The following FMN2 variants were observed in gnomAD, a reference collection of about 807,000 sequenced individuals.
FMN2 encodes formin 2, also known as formin-2.
Under a neutral mutation model 142.3 loss-of-function variants are expected in FMN2, and 51 were observed. The observed-to-expected ratio is 0.36, with a 90% CI of 0.29 to 0.45. The LOEUF (loss-of-function observed/expected upper bound fraction) is 0.45. FMN2 is among the 20% of genes least tolerant of loss of function. The pLI is 1.00. For synonymous variants in FMN2, 882 were observed against 869.8 expected (o/e 1.01, Z -0.25); for missense variants, 1,936 against 2,122.8 (o/e 0.91, Z 1.73).
At chr1:240,442,354 G>T (rs1421686355) in intron 16 of FMN2, among the ~76,000 whole-genome samples, 1 of 152,194 alleles carries the variant, frequency 6.6e-6, no homozygotes, top group Non-Finnish European at 1.5e-5. Context: ...ATCAGCCCTG[G>T]TGGTACCGTG....
intron 6 of FMN2, among the ~76,000 whole-genome samples, chr1:240,243,327 T>A (rs1259613215): frequency 1.3e-5 from 2 of 152,178 alleles, no homozygotes; most frequent in Admixed American, 6.5e-5. Context: ...TGAATTTATC[T>A]TTCCAAAGTA....
At chr1:240,303,696 ACAT>A (rs756100396) in intron 8 of FMN2, among the ~76,000 whole-genome samples, 1 of 152,130 alleles carries the variant, frequency 6.6e-6, no homozygotes, top group African/African-American at 2.4e-5. Flanking sequence ...GTTTATGTTC[ACAT>A]CTTTCATCAA....
chr1:240,245,638 G>C, intron 6 of FMN2: 1 of 470,212 alleles, frequency 2.1e-6, no homozygotes, highest in Admixed American at 2.4e-5. Context: ...ATGTGTAGTA[G>C]GGGTATTAGT....
At chr1:240,109,536 A>G (rs1260949517) in intron 1 of FMN2, among the ~76,000 whole-genome samples, 1 of 152,112 alleles carries the variant, frequency 6.6e-6, no homozygotes, top group Non-Finnish European at 1.5e-5. Flanking sequence ...CACTGAACCT[A>G]TGTACACCCT....
At chr1:240,293,143 C>G (rs1002943495) in intron 7 of FMN2, among the ~76,000 whole-genome samples, 1 of 151,942 alleles carries the variant, frequency 6.6e-6, no homozygotes, top group Admixed American at 6.6e-5. Context: ...AGATGAGAAA[C>G]CTCAGGATAT....
intron 8 of FMN2, among the ~76,000 whole-genome samples, chr1:240,328,731 A>G (rs529986254): frequency 6.6e-6 from 1 of 152,206 alleles, no homozygotes; most frequent in African/African-American, 2.4e-5. Context: ...CTGGGATTAC[A>G]GGCACCTGCC....
intron 7 of FMN2, among the ~76,000 whole-genome samples, chr1:240,269,012 C>T (rs1339173993): frequency 6.6e-6 from 1 of 151,924 alleles, no homozygotes; most frequent in Non-Finnish European, 1.5e-5. Context: ...GTTGTCTCTG[C>T]ACTCTATTGT....
chr1:240,139,409 C>A (rs1663083396), intron 2 of FMN2, among the ~76,000 whole-genome samples: 2 of 151,966 alleles, frequency 1.3e-5, no homozygotes, highest in Non-Finnish European at 2.9e-5. Flanking sequence ...GGAGAGAGAG[C>A]CTAGGAGAAG....
At chr1:240,421,356 A>G (rs1452900954) in intron 15 of FMN2, among the ~76,000 whole-genome samples, 3 of 152,180 alleles carry the variant, frequency 2.0e-5, no homozygotes, top group South Asian at 4.1e-4. Context: ...TTTATTTAAC[A>G]TCTTTGTCCC....
At chr1:240,356,058 T>G (rs1293341598) in intron 14 of FMN2, 150 bp downstream of exon 14, 1 of 593,668 alleles carries the variant, frequency 1.7e-6, no homozygotes, top group African/African-American at 1.9e-5. Flanking sequence ...AAAAACAGAT[T>G]AAGTTGAATT....
At chr1:240,136,684 C>T (rs1222072141) in intron 2 of FMN2, among the ~76,000 whole-genome samples, 2 of 152,106 alleles carry the variant, frequency 1.3e-5, no homozygotes, top group South Asian at 2.1e-4. Flanking sequence ...TTGTCTTTCT[C>T]CTGTAGATGC....
At chr1:240,165,928 C>T (rs1299291942) in intron 2 of FMN2, among the ~76,000 whole-genome samples, 6 of 151,934 alleles carry the variant, frequency 3.9e-5, no homozygotes, top group South Asian at 2.1e-4. Flanking sequence ...TCCCTTTCCC[C>T]GGATAATGTG....
chr1:240,233,396 A>G (rs1351888590), intron 6 of FMN2, among the ~76,000 whole-genome samples: 2 of 152,064 alleles, frequency 1.3e-5, no homozygotes, highest in African/African-American at 2.4e-5. Flanking sequence ...AAAAAGAAAA[A>G]AAAAAAAAAA....
At chr1:240,146,862 CAG>C (rs1663505198) in intron 2 of FMN2, among the ~76,000 whole-genome samples, 1 of 152,018 alleles carries the variant, frequency 6.6e-6, no homozygotes, top group Admixed American at 6.6e-5. Context: ...ACAGTTGTTA[CAG>C]AGTCTGTTCT....
At chr1:240,271,371 C>T (rs991191227) in intron 7 of FMN2, among the ~76,000 whole-genome samples, 5 of 150,036 alleles carry the variant, frequency 3.3e-5, no homozygotes, top group African/African-American at 4.9e-5. Flanking sequence ...AAATTAGGCT[C>T]AGTGTGAGCA....
intron 16 of FMN2, among the ~76,000 whole-genome samples, chr1:240,450,739 A>T (rs760598262): frequency 6.6e-6 from 1 of 152,188 alleles, no homozygotes; most frequent in Non-Finnish European, 1.5e-5. Flanking sequence ...GTCTCCTTGC[A>T]CATTTCTTCT....
Position 240,315,314 on chromosome 1 carries a change from A to G in FMN2, c.4216-13762A>G, listed in dbSNP as rs576178300. 3.3e-5 allele frequency among the ~76,000 whole-genome samples: 5 copies of G among 152,350 alleles called. No individual in the cohort carries two copies. The South Asian group carries it at 1.0e-3, about 32-fold the overall frequency. The stretch of plus-strand genomic sequence containing the variant: ...GCTGGATCCTAACTTAAAATTATGC[A>G]TGAACAGTAAAAACATTTGATGGTT... On this transcript the variant is annotated intron_variant, in intron 8 of 17. Coordinates refer to ENST00000319653, the MANE Select transcript of FMN2 (RefSeq NM_020066.5).
chr1:240,261,339 C>A (rs1668621523), intron 7 of FMN2, among the ~76,000 whole-genome samples: 2 of 140,600 alleles, frequency 1.4e-5, no homozygotes, highest in Non-Finnish European at 1.5e-5. Flanking sequence ...CAGGCCCCTT[C>A]ATTAACCAGT....
intron 13 of FMN2, among the ~76,000 whole-genome samples, chr1:240,338,180 T>A (rs982287354): frequency 1.3e-5 from 2 of 152,190 alleles, no homozygotes; most frequent in African/African-American, 4.8e-5. Flanking sequence ...ACTCACACAC[T>A]CTCTCTCTTT....
Sources: gnomAD v4.1 joint callset for allele counts (sites outside exome capture counted in the v4.1 genomes callset) on GRCh38, gnomAD v4.1.1 for gene constraint, MANE v1.5 for transcripts, NCBI Gene and HGNC (gene_info 2026-07-23, HGNC 2026-07-21) for gene names.